The following CHLSN variants were observed in gnomAD, a reference collection of about 807,000 sequenced individuals.
CHLSN encodes the protein cholesin.
chr7:997,688 GC>G, the CHLSN span: 2 of 1,611,128 alleles, frequency 1.2e-6, no homozygotes, highest in African/African-American at 2.7e-5. Flanking sequence ...GGGGATCAGA[GC>G]CCTCCTCATC....
chr7:980,766 C>T, the CHLSN span, among the ~76,000 whole-genome samples: 2 of 149,226 alleles, frequency 1.3e-5, no homozygotes, highest in Non-Finnish European at 3.0e-5. Context: ...CAGCTCACTG[C>T]AAGCTCCGCC....
chr7:1,091,875 C>T, the CHLSN span: 1 of 1,613,828 alleles, frequency 6.2e-7, no homozygotes, highest in Non-Finnish European at 8.5e-7. Flanking sequence ...CAGGTGAGCT[C>T]TCGGAGCACC....
At chr7:993,450 G>C in the CHLSN span, among the ~76,000 whole-genome samples, 1 of 152,096 alleles carries the variant, frequency 6.6e-6, no homozygotes, top group Non-Finnish European at 1.5e-5. Context: ...GGACAGCGCC[G>C]GCCCGGGCTG....
chr7:1,026,761 G>C, the CHLSN span: 122 of 152,358 alleles, frequency 8.0e-4, no homozygotes, highest in African/African-American at 2.8e-3. Context: ...TGCAGAAGGC[G>C]AGGCTCCCGT....
chr7:983,274 C>T, the CHLSN span: 28 of 1,543,848 alleles, frequency 1.8e-5, no homozygotes, highest in South Asian at 2.2e-4. Flanking sequence ...TCTGCGCCTG[C>T]GCCCAAGACC....
At chr7:1,013,970 C>T in the CHLSN span, among the ~76,000 whole-genome samples, 2 of 152,212 alleles carry the variant, frequency 1.3e-5, no homozygotes, top group Non-Finnish European at 2.9e-5. Flanking sequence ...AGGACCTGCA[C>T]CCACACAGAT....
the CHLSN span, among the ~76,000 whole-genome samples, chr7:1,072,838 C>A: frequency 6.6e-6 from 1 of 152,100 alleles, no homozygotes; most frequent in African/African-American, 2.4e-5. Context: ...CGTGCGCCAC[C>A]ACGCCTGGCT....
At chr7:1,136,962 G>A in the CHLSN span, among the ~76,000 whole-genome samples, 1 of 152,022 alleles carries the variant, frequency 6.6e-6, no homozygotes, top group Admixed American at 6.6e-5. Flanking sequence ...AGATCCCATA[G>A]GTACCCAGTC....
At chr7:1,002,088 T>C in the CHLSN span, among the ~76,000 whole-genome samples, 1 of 110,968 alleles carries the variant, frequency 9.0e-6, no homozygotes, top group East Asian at 2.9e-4. Flanking sequence ...GTCCTCTGGG[T>C]GAGTGGAGTC....
At chr7:985,261 TTTG>T in the CHLSN span, 2 of 1,551,916 alleles carry the variant, frequency 1.3e-6, no homozygotes, top group Non-Finnish European at 1.7e-6. Flanking sequence ...GGACCCCGTG[TTTG>T]TGTCCCTGCT....
At chr7:1,136,048 GTATATATAAA>G in the CHLSN span, among the ~76,000 whole-genome samples, 1 of 104,536 alleles carries the variant, frequency 9.6e-6, no homozygotes, top group Non-Finnish European at 1.8e-5. Context: ...AAATATATAA[GTATATATAAA>G]TATATATAAA....
the CHLSN span, among the ~76,000 whole-genome samples, chr7:1,084,572 G>A: frequency 6.6e-6 from 1 of 152,218 alleles, no homozygotes. Context: ...CTCAGGCAGT[G>A]CCGCCCCACC....
At chr7:1,093,551 G>A in the CHLSN span, 134 of 471,056 alleles carry the variant, frequency 2.8e-4, no homozygotes, top group Admixed American at 4.7e-4. Flanking sequence ...CGTCTGCTCC[G>A]GGGTGGTTCA....
chr7:1,041,609 G>A, the CHLSN span, among the ~76,000 whole-genome samples: 66 of 152,312 alleles, frequency 4.3e-4, no homozygotes, highest in African/African-American at 1.6e-3. Flanking sequence ...TGTAACGTCA[G>A]GGTGCGCCTT....
At chr7:1,115,486 A>ACATAACTACAGCTCTACGGACCGG in the CHLSN span, among the ~76,000 whole-genome samples, 76 of 151,848 alleles carry the variant, frequency 5.0e-4, 1 homozygote, top group East Asian at 0.01. Flanking sequence ...ACGCAGGATG[A>ACATAACTACAGCTCTACGGACCGG]CTTCACTACA....
the CHLSN span, among the ~76,000 whole-genome samples, chr7:1,023,678 C>CACACACACACACACACACACACACA: frequency 6.9e-6 from 1 of 144,444 alleles, no homozygotes; most frequent in Non-Finnish European, 1.5e-5. This position sits in a 1 kb window ranked among gnomAD's most constrained non-coding sequence, Gnocchi z 5.0. Flanking sequence ...CACACACACA[C>CACACACACACACACACACACACACA]CAGCAACGCG....
chr7:1,044,758 G>A, the CHLSN span: 16,312 of 152,056 alleles, frequency 0.11, 1,160 homozygotes, highest in Middle Eastern at 0.2. Context: ...CCCACGGCGG[G>A]CGCTGCGCTT....
At chr7:1,020,898 G>C in the CHLSN span, among the ~76,000 whole-genome samples, 1 of 152,232 alleles carries the variant, frequency 6.6e-6, no homozygotes, top group East Asian at 1.9e-4. Context: ...TGATACAGCA[G>C]AGCTGGGGAC....
chr7:1,017,620 G>A, the CHLSN span, among the ~76,000 whole-genome samples: 6 of 151,506 alleles, frequency 4.0e-5, no homozygotes, highest in African/African-American at 1.5e-4. Flanking sequence ...ACCTTCTTCT[G>A]GGGAAACAAG....
Sources: gnomAD v4.1 joint callset for allele counts (sites outside exome capture counted in the v4.1 genomes callset) on GRCh38, gnomAD v4.1.1 for gene constraint, Gnocchi (gnomAD v3.1) non-coding constraint, MANE v1.5 for transcripts, NCBI Gene and HGNC (gene_info 2026-07-23, HGNC 2026-07-21) for gene names.